LPP: variants seen among roughly 807,000 people sequenced by gnomAD.
The protein encoded by LPP is LIM domain containing preferred translocation partner in lipoma.
In LPP, 38 loss-of-function variants were observed where a neutral mutation model predicts 60.4. That is an observed-to-expected ratio of 0.63 (90% CI 0.49 to 0.83). LPP has a LOEUF of 0.83. LPP is among the 40% of genes least tolerant of loss of function. The probability of loss-of-function intolerance (pLI) is 0.00; values close to 1 mark genes in which losing one functional copy is unlikely to be tolerated. For missense variants in LPP, 902 were observed against 783.6 expected (o/e 1.15, Z -1.80); for synonymous variants, 328 against 290.8 (o/e 1.13, Z -1.30).
intron 1 of LPP, among the ~76,000 whole-genome samples, chr3:188,185,005 C>A (rs1260000899): frequency 6.6e-6 from 1 of 152,060 alleles, no homozygotes; most frequent in Non-Finnish European, 1.5e-5. Flanking sequence ...TTTTGGAAAT[C>A]CCTAAAAATG....
intron 4 of LPP, among the ~76,000 whole-genome samples, chr3:188,475,425 T>TA (rs1204202988): frequency 9.2e-5 from 14 of 152,122 alleles, no homozygotes; most frequent in African/African-American, 2.4e-4. Flanking sequence ...TTTGGTTTTT[T>TA]AAAAAAATGC....
At chr3:188,175,566 C>T (rs1288412978) in intron 1 of LPP, among the ~76,000 whole-genome samples, 1 of 152,042 alleles carries the variant, frequency 6.6e-6, no homozygotes, top group African/African-American at 2.4e-5. Flanking sequence ...CTTGTAAGGT[C>T]GATCTGGATT....
chr3:188,814,798 T>C (rs995249329), intron 9 of LPP, among the ~76,000 whole-genome samples: 1 of 152,186 alleles, frequency 6.6e-6, no homozygotes, highest in African/African-American at 2.4e-5. Context: ...CTGTGGGAAG[T>C]TGGATGTTGC....
chr3:188,522,801 ATATATATATATATATGTG>A (rs1409523163), intron 5 of LPP, among the ~76,000 whole-genome samples: 1 of 146,410 alleles, frequency 6.8e-6, no homozygotes, highest in African/African-American at 2.5e-5. Flanking sequence ...ATATATATAT[ATATATATATATATATGTG>A]TATGTGTGTG....
At position 188,609,856 on chromosome 3, in the gene LPP, A is replaced by G. The variant is rs575063703; in HGVS notation, c.1113+12A>G. On this transcript the variant is annotated intron_variant, in intron 7 of 11. Transcript: ENST00000617246. This position sits in a 1 kb window ranked among gnomAD's most constrained non-coding sequence, Gnocchi z 6.9. ...CATTGCAGCCAAAGGTAAGAAACTC[A>G]GTAACATAAGGAGGAGAATACAGGG... The G allele has an allele frequency of 7.4e-5, 118 of 1,601,188 alleles. 2 individuals are homozygous for G. In the South Asian group the frequency reaches 1.3e-3, roughly 17 times the overall value.
At chr3:188,324,787 G>A (rs959043067) in intron 2 of LPP, among the ~76,000 whole-genome samples, 3 of 152,046 alleles carry the variant, frequency 2.0e-5, no homozygotes, top group African/African-American at 4.8e-5. Flanking sequence ...TAAGCCATAC[G>A]GTGGCTGCTG....
At chr3:188,774,005 C>G (rs1445741441) in intron 9 of LPP, among the ~76,000 whole-genome samples, 1 of 152,138 alleles carries the variant, frequency 6.6e-6, no homozygotes, top group Non-Finnish European at 1.5e-5. Context: ...TGATATTATT[C>G]CCTTTTACAA....
chr3:188,854,180 CTT>C (rs766515116), intron 9 of LPP, among the ~76,000 whole-genome samples: 48 of 152,210 alleles, frequency 3.2e-4, no homozygotes, highest in Non-Finnish European at 5.7e-4. Flanking sequence ...GCCTCTTTGT[CTT>C]TAAGCAGTTA....
intron 7 of LPP, among the ~76,000 whole-genome samples, chr3:188,684,896 C>T (rs1860346050): frequency 1.3e-5 from 2 of 152,036 alleles, no homozygotes; most frequent in Admixed American, 6.6e-5. Context: ...TTTTAAGATC[C>T]CTGAATATGT....
intron 6 of LPP, chr3:188,553,890 T>C (rs1231165043): frequency 6.6e-6 from 1 of 152,186 alleles, no homozygotes; most frequent in Non-Finnish European, 1.5e-5. Flanking sequence ...TGAAAATGTC[T>C]TGACACAGAT....
At chr3:188,172,987 C>T (rs1430127259) in intron 1 of LPP, among the ~76,000 whole-genome samples, 1 of 152,188 alleles carries the variant, frequency 6.6e-6, no homozygotes, top group African/African-American at 2.4e-5. Flanking sequence ...CCCACCTCAG[C>T]CTCTGGGGTA....
intron 1 of LPP, among the ~76,000 whole-genome samples, chr3:188,190,200 G>A (rs910543475): frequency 6.6e-6 from 1 of 152,010 alleles, no homozygotes; most frequent in African/African-American, 2.4e-5. Context: ...GGGATTATAG[G>A]CATGGGCCAC....
chr3:188,636,754 AC>A (rs942993088), intron 7 of LPP, among the ~76,000 whole-genome samples: 34 of 151,466 alleles, frequency 2.2e-4, no homozygotes, highest in African/African-American at 8.0e-4. Flanking sequence ...CTGACCCCTG[AC>A]CCCCGAGCAG....
rs1021258953 is a variant in LPP, at chr3:188,831,611, T to C, written c.1411-34589T>C. Among the ~76,000 whole-genome samples the C allele has an allele frequency of 3.3e-5, 5 of 152,360 alleles. No homozygotes were observed. The South Asian group carries it at 8.3e-4, about 25-fold the overall frequency. On this transcript the variant is annotated intron_variant, in intron 9 of 11. Transcript: ENST00000617246. ...CCCAGGCTCTTTCCGGTGTTCCATGTACACTGCATAGATTGAGTGGACACC... is the reference window on the plus strand; with the variant it reads ...CCCAGGCTCTTTCCGGTGTTCCATGCACACTGCATAGATTGAGTGGACACC...
chr3:188,222,228 G>A (rs75895305), intron 1 of LPP, among the ~76,000 whole-genome samples: 3,934 of 152,068 alleles, frequency 0.026, 75 homozygotes, highest in African/African-American at 0.049. Flanking sequence ...TTTTTCAAAT[G>A]ATAAAATAAA....
chr3:188,661,337 C>G (rs1340251225), intron 7 of LPP, among the ~76,000 whole-genome samples: 1 of 152,134 alleles, frequency 6.6e-6, no homozygotes, highest in Non-Finnish European at 1.5e-5. Context: ...ATATTTTCAG[C>G]TCATTTGGGT....
At chr3:188,308,280 A>G (rs982302203) in intron 2 of LPP, among the ~76,000 whole-genome samples, 2 of 152,288 alleles carry the variant, frequency 1.3e-5, no homozygotes, top group East Asian at 1.9e-4. Context: ...TGATATGCCT[A>G]TATCACAGAG....
intron 4 of LPP, among the ~76,000 whole-genome samples, chr3:188,480,959 C>T (rs1468277977): frequency 1.3e-5 from 2 of 152,182 alleles, no homozygotes; most frequent in African/African-American, 4.8e-5. Context: ...CTCCTTCCCC[C>T]TTCTTCTAAT....
In LPP at chr3:188,881,837, T is replaced by C. The variant is rs1253199089; in HGVS notation, c.*7358T>C. On this transcript the variant is annotated 3_prime_UTR_variant, in exon 12 of 12. Coordinates refer to ENST00000617246, the MANE Select transcript of LPP (RefSeq NM_001375462.1). Reference sequence around the variant, plus strand: ...ACTTTATAGGTTCTACTTTAATATATGGACACTTTACAGGTTATACATAAA... The same window carrying C: ...ACTTTATAGGTTCTACTTTAATATACGGACACTTTACAGGTTATACATAAA... 1 of 215,688 alleles carries C rather than the reference T, an allele frequency of 4.6e-6. No homozygotes were observed. Among genetic ancestry groups the C allele is most frequent in the African/African-American group, 2.3e-5 (1 of 44,416 alleles). 13.4% of individuals were successfully genotyped at this position (215,688 alleles called of 1,614,324 possible).
Sources: gnomAD v4.1 joint callset for allele counts (sites outside exome capture counted in the v4.1 genomes callset) on GRCh38, gnomAD v4.1.1 for gene constraint, Gnocchi (gnomAD v3.1) non-coding constraint, MANE v1.5 for transcripts, NCBI Gene and HGNC (gene_info 2026-07-23, HGNC 2026-07-21) for gene names.